Variants in DOP1A observed in about 807,000 individuals in gnomAD.
DOP1A encodes the protein DOP1 leucine zipper like protein A, also known as protein DOP1A.
A neutral mutation model predicts 267.6 loss-of-function variants in DOP1A; 90 were observed. The ratio of observed to expected loss-of-function variants is 0.34; its 90% CI spans 0.28 to 0.40. The LOEUF (loss-of-function observed/expected upper bound fraction) is 0.40, where lower values mean the gene tolerates loss of function less well. DOP1A is among the 10% of genes least tolerant of loss of function. The pLI is 1.00. For synonymous variants in DOP1A, 932 were observed against 999.1 expected (o/e 0.93, Z 1.27); for missense variants, 2,437 against 2,900.4 (o/e 0.84, Z 3.67).
chr6:83,164,047 T>C (rs1485482791), intron 38 of DOP1A, among the ~76,000 whole-genome samples: 1 of 150,014 alleles, frequency 6.7e-6, no homozygotes, highest in Non-Finnish European at 1.5e-5. Flanking sequence ...ATTCAACAAA[T>C]TTCAAAATCA....
At chr6:83,107,015 G>C (rs1263367027) in intron 4 of DOP1A, among the ~76,000 whole-genome samples, 1 of 151,988 alleles carries the variant, frequency 6.6e-6, no homozygotes, top group Admixed American at 6.6e-5. Context: ...CAGTGGAGGA[G>C]GTAGAAGTAT....
intron 38 of DOP1A, chr6:83,166,012 C>A: frequency 3.3e-6 from 1 of 299,460 alleles, no homozygotes. Flanking sequence ...GAGCTTCTTT[C>A]AGTCCAGCCA....
chr6:83,149,756 G>C (rs535608957), intron 27 of DOP1A, among the ~76,000 whole-genome samples: 5 of 152,176 alleles, frequency 3.3e-5, no homozygotes, highest in African/African-American at 1.2e-4. Flanking sequence ...TGATGGGATT[G>C]AAAGAACAGG....
intron 24 of DOP1A, 145 bp downstream of exon 24, chr6:83,142,191 T>C: frequency 9.6e-7 from 1 of 1,041,736 alleles, no homozygotes; most frequent in Non-Finnish European, 1.4e-6. Context: ...AATTGTTGCC[T>C]TAATTTCTTT....
chr6:83,171,194 G>C (rs1308369805), downstream of DOP1A: 2 of 152,056 alleles, frequency 1.3e-5, no homozygotes, highest in African/African-American at 4.8e-5. Flanking sequence ...ATACAAAAGA[G>C]TATTGGGAGG....
In DOP1A at chr6:83,151,622, C is replaced by G. The variant is rs1181770641; in HGVS notation, c.5867C>G (p.Pro1956Arg). The change falls in exon 28 of 39, where the codon CCT becomes CGT. Residue 1956 changes from proline to arginine, a missense_variant. Physicochemically the swap from Pro to Arg is moderately radical, Grantham distance 103 (BLOSUM62 -2). Around this residue, in one of 9 missense-constraint regions of DOP1A, gnomAD observed 216 missense variants for 283.3 expected, o/e 0.76. Transcript: ENST00000349129. ...CTGAATGAGTTTATTATGAAAAACC[C>G]TAGTTTGGAAAATAAAAAAGACCAA... ...GVLNEFIMKN[P>R]SLENKKDQRD... 2 of 1,608,618 alleles carry G rather than the reference C, an allele frequency of 1.2e-6. No homozygotes were observed. The highest frequency in any genetic ancestry group is 1.7e-6 in the Non-Finnish European group (2 of 1,178,314).
chr6:83,165,076 G>C, intron 38 of DOP1A: 1 of 179,162 alleles, frequency 5.6e-6, no homozygotes, highest in Non-Finnish European at 1.2e-5. Context: ...TATATAGAGG[G>C]TACAAGGATA....
intron 27 of DOP1A, 93 bp from the exon 28 acceptor site, chr6:83,151,500 A>T: frequency 1.1e-6 from 1 of 907,888 alleles, no homozygotes; most frequent in African/African-American, 1.7e-5. Flanking sequence ...AATCAAGACC[A>T]TTAAGCCGCT....
At chr6:83,120,828 G>A in intron 10 of DOP1A, 37 bp downstream of exon 10, 1 of 1,366,292 alleles carries the variant, frequency 7.3e-7, no homozygotes, top group Non-Finnish European at 9.8e-7. Context: ...GGTCATGTGT[G>A]GTACTTTTGT....
Position 83,120,799 on chromosome 6 carries a change from A to G in DOP1A, c.1099+8A>G. 3 of 1,546,428 alleles carry G rather than the reference A, an allele frequency of 1.9e-6. No individual in the cohort carries two copies. Among genetic ancestry groups the G allele is most frequent in the Non-Finnish European group, 2.7e-6 (3 of 1,131,948 alleles). On this transcript the variant is annotated splice_region_variant and intron_variant, in intron 10 of 38. Transcript: ENST00000349129. ...TGGACAAACCTGAGCTAGGTAATGT[A>G]TACTGTCCTAGGGCATAAGGTCATG...
chr6:83,120,347 C>T (rs1776172134), intron 9 of DOP1A, among the ~76,000 whole-genome samples: 1 of 151,806 alleles, frequency 6.6e-6, no homozygotes, highest in Non-Finnish European at 1.5e-5. Context: ...TAATAGCAGA[C>T]ACTGCCATGA....
At chr6:83,160,031 C>A in intron 37 of DOP1A, 71 bp downstream of exon 37, 2 of 1,471,310 alleles carry the variant, frequency 1.4e-6, no homozygotes, top group Non-Finnish European at 9.3e-7. Flanking sequence ...ACATCTATGA[C>A]TAATTAAAAA....
intron 23 of DOP1A, among the ~76,000 whole-genome samples, chr6:83,141,066 C>T (rs1326377125): frequency 6.6e-6 from 1 of 151,842 alleles, no homozygotes; most frequent in African/African-American, 2.4e-5. Context: ...TATTTAATGG[C>T]AGAAAAAACA....
chr6:83,102,065 C>T (rs1772687179), intron 4 of DOP1A, among the ~76,000 whole-genome samples: 1 of 152,188 alleles, frequency 6.6e-6, no homozygotes, highest in Admixed American at 6.5e-5. Context: ...CTGGCAGCAG[C>T]TTTAAACTCC....
chr6:83,165,828 C>A, intron 38 of DOP1A: 1 of 316,020 alleles, frequency 3.2e-6, no homozygotes, highest in South Asian at 2.9e-5. Flanking sequence ...GTGGCCAATG[C>A]CGGCTGCAGG....
chr6:83,080,643 T>A (rs1767920258), intron 1 of DOP1A, among the ~76,000 whole-genome samples: 1 of 152,190 alleles, frequency 6.6e-6, no homozygotes, highest in South Asian at 2.1e-4. Context: ...TTTGGATGTG[T>A]AACCCAACCT....
rs754444516 is a variant in DOP1A, at chr6:83,125,613, C to G, written c.1599C>G (p.Leu533=). ...TLHLSELTDS[L]RLCSKILSKV... ...ACTTATCTGAACTCACAGATTCTCT[C>G]AGACTCTGCTCAAAGATCCTTAGCA... The change falls in exon 15 of 39, where the codon CTC becomes CTG. Residue 533 remains leucine (L), a synonymous_variant. Coordinates refer to ENST00000349129, the MANE Select transcript of DOP1A (RefSeq NM_015018.4). 1.9e-6 allele frequency: 3 copies of G among 1,613,872 alleles called. No individual in the cohort carries two copies. In the South Asian group the frequency reaches 3.3e-5, roughly 18 times the overall value.
intron 37 of DOP1A, among the ~76,000 whole-genome samples, chr6:83,160,755 T>C (rs1291139790): frequency 6.6e-6 from 1 of 152,174 alleles, no homozygotes; most frequent in South Asian, 2.1e-4. Context: ...ATCCACAAGA[T>C]CAAATATGTA....
In DOP1A at chr6:83,157,203, G is replaced by A. The variant is rs1456685263; in HGVS notation, c.6626G>A (p.Arg2209His). The A allele has an allele frequency of 2.5e-6, 4 of 1,613,238 alleles. No homozygotes were observed. The highest frequency in any genetic ancestry group is 1.3e-5 in the African/African-American group (1 of 74,878). Residue 2209 changes from arginine (R) to histidine (H), a missense_variant, in exon 35 of 39, where the codon CGT (arginine) becomes CAT (histidine). Physicochemically the swap from Arg to His is conservative, Grantham distance 29 (BLOSUM62 0). Transcript: ENST00000349129. ...DIQERLVESLRLPQVPTLHSQ... is the reference protein window; with the variant it reads ...DIQERLVESLHLPQVPTLHSQ... ...TCAGAGAGATTGGTTGAGAGTCTCC[G>A]TTTGCCACAGGTGCCAACTCTCCAT...
Sources: allele counts gnomAD v4.1 joint callset (sites outside exome capture counted in the v4.1 genomes callset), GRCh38; gene constraint gnomAD v4.1.1; regional missense constraint gnomAD v4.1.1; transcripts MANE v1.5; gene names NCBI Gene and HGNC (gene_info 2026-07-23, HGNC 2026-07-21).